The following PIDD1 variants were observed in gnomAD, a reference collection of about 807,000 sequenced individuals.
PIDD1 encodes the protein p53-induced death domain protein 1.
PIDD1 carries 72 observed loss-of-function variants against 80.0 expected under a neutral mutation model. The ratio of observed to expected loss-of-function variants is 0.90; its 90% confidence interval spans 0.74 to 1.09. The LOEUF is 1.09. Ranked by LOEUF, PIDD1 falls within the 50% of genes least tolerant of loss-of-function variation. The pLI, the probability that PIDD1 is intolerant of heterozygous loss-of-function variation, is 0.00. For missense variants in PIDD1, 1,329 were observed against 1,228.3 expected, an observed-to-expected ratio of 1.08 and a Z score of -1.23; for synonymous variants, 655 against 543.5, an observed-to-expected ratio of 1.21 and a Z score of -2.85.
At chr11:803,092 G>A (rs1243880584) in intron 3 of PIDD1, 82 bp downstream of exon 3, 6 of 1,109,114 alleles carry the variant, frequency 5.4e-6, no homozygotes, top group Non-Finnish European at 7.8e-6. Flanking sequence ...AAGCCTGTGG[G>A]TGCAGAGGCC....
At position 801,423 on chromosome 11, in the gene PIDD1, C is replaced by T. The variant is rs373308784; in HGVS notation, c.1482+22G>A. 8.5e-5 allele frequency: 133 copies of T among 1,565,428 alleles called. No homozygotes were observed. The African/African-American group carries it at 1.6e-3, about 19-fold the overall frequency. On this transcript the variant is annotated intron_variant, in intron 8 of 15. Transcript: ENST00000347755. ...GTGGGCTGAGGCGCGGCCTGCCACC[C>T]TCAGTGCTGTCCTGGCCATACCTGC...
chr11:805,399 A>G, upstream of PIDD1: 1 of 328,026 alleles, frequency 3.0e-6, no homozygotes, highest in South Asian at 1.2e-4. Flanking sequence ...GGAGACGCGG[A>G]CGCGACCCGT....
At position 801,747 on chromosome 11, in the gene PIDD1, G is replaced by T. The variant is rs1865350197; in HGVS notation, c.1303-123C>A. 7 of 903,924 alleles carry T rather than the reference G, an allele frequency of 7.7e-6. No homozygotes were observed. The East Asian group carries it at 1.7e-4, about 23-fold the overall frequency. 56.0% of individuals were successfully genotyped at this position (903,924 alleles called of 1,614,324 possible). On this transcript the variant is annotated intron_variant, in intron 7 of 15. Transcript: ENST00000347755. ...AAGGTGCCAGGGACACAGGGAGCAGGATCCAGGAGGGACGGGGTGGGGTGG... is the reference window on the plus strand; with the variant it reads ...AAGGTGCCAGGGACACAGGGAGCAGTATCCAGGAGGGACGGGGTGGGGTGG...
Position 803,504 on chromosome 11 carries a change from G to C in PIDD1, c.379C>G (p.Leu127Val). 6.2e-7 allele frequency: 1 copy of C among 1,613,494 alleles called. No individual in the cohort carries two copies. The highest frequency in any genetic ancestry group is 8.5e-7 in the Non-Finnish European group (1 of 1,179,992). Residue 127 changes from leucine (L) to valine (V), a missense_variant, in exon 3 of 16, where the codon CTG becomes GTG. By Grantham distance (32) the Leu-to-Val change is conservative (BLOSUM62 1). Transcript: ENST00000347755. ...LPAGLSGLAH[L>V]AHLDLSFNSL... ...TTGAAGCTCAGGTCCAGGTGGGCCA[G>C]ATGGGCCAGGCCACTCAGACCAGCG...
chr11:802,562 G>C lies in PIDD1; in HGVS notation c.955C>G (p.Leu319Val). The C allele has an allele frequency of 6.2e-7, 1 of 1,613,420 alleles. No homozygotes were observed. Among genetic ancestry groups the C allele is most frequent in the Non-Finnish European group, 8.5e-7 (1 of 1,179,742 alleles). Residue 319 changes from leucine to valine, a missense_variant, in exon 5 of 16, where the codon CTG becomes GTG. Transcript: ENST00000347755. ...CCATACCTGTCCAAATCTGAGGTCA[G>C]GAACAGTCTGGGCATTTCTGGAATG... is the stretch of plus-strand genomic sequence containing the variant. ...ALIPEMPRLF[L>V]TSDLDSFPVT...
In PIDD1 at chr11:802,307, G is replaced by T. The variant is rs958527086; in HGVS notation, c.1064C>A (p.Thr355Asn). ...CGGCAGCAGCAGCCGATAGCGGATG[G>T]TGATGGGGGTGGCGGTGGCTCCCGC... ...FPAGATATPI[T>N]IRYRLLLPEP... is the part of the protein sequence containing the mutation. The change falls in exon 6 of 16, where the codon ACC (threonine) becomes AAC (asparagine). Residue 355 changes from threonine (T) to asparagine (N), a missense_variant. Transcript: ENST00000347755. 1.9e-6 allele frequency: 3 copies of T among 1,612,090 alleles called. No individual in the cohort carries two copies. Among genetic ancestry groups the T allele is most frequent in the Non-Finnish European group, 2.5e-6 (3 of 1,179,814 alleles).
In PIDD1 at chr11:803,364, G is replaced by T. The variant is rs772105607; in HGVS notation, c.519C>A (p.Leu173=). The change falls in exon 3 of 16, where the codon CTC becomes CTA. Residue 173 remains leucine, a synonymous_variant. Coordinates refer to ENST00000347755, the MANE Select transcript of PIDD1 (RefSeq NM_145886.4). ...GGTTGTGTGTCACTGTGAGGAAGGT[G>T]AGGGCGGGGAGGGCCCCCAGAGCCT... ...LPEALGALPA[L]TFLTVTHNRL... is the part of the protein sequence containing the mutation. 1 of 1,613,956 alleles carries T rather than the reference G, an allele frequency of 6.2e-7. No homozygotes were observed. Among genetic ancestry groups the T allele is most frequent in the Non-Finnish European group, 8.5e-7 (1 of 1,179,978 alleles).
upstream of PIDD1, among the ~76,000 whole-genome samples, chr11:806,313 A>G (rs1295789750): frequency 2.6e-5 from 4 of 151,184 alleles, no homozygotes; most frequent in Non-Finnish European, 5.9e-5. Context: ...TCCTGAGGTC[A>G]TATCAGCGGC....
At chr11:808,014 T>TA (rs1865866072), upstream of PIDD1, among the ~76,000 whole-genome samples, 1 of 152,198 alleles carries the variant, frequency 6.6e-6, no homozygotes, top group Non-Finnish European at 1.5e-5. Context: ...ATTTCAGTCT[T>TA]ACGGGGTGCT....
chr11:802,058 C>T lies in PIDD1; in HGVS notation c.1209G>A (p.Pro403=), dbSNP rs766326633. The T allele has an allele frequency of 2.5e-6, 4 of 1,583,422 alleles. No homozygotes were observed. The highest frequency in any genetic ancestry group is 1.7e-4 in the Middle Eastern group (1 of 6,016). Residue 403 remains proline (P), a synonymous_variant, in exon 7 of 16, where the codon CCG becomes CCA. Transcript: ENST00000347755. ...DVGLWLLFTP[P]QARRCREVVV... is the part of the protein sequence containing the mutation. ...CCACTTCACGGCAGCGCCGGGCCTG[C>T]GGTGGGGTGAAGAGCAGCCACAGCC...
upstream of PIDD1, among the ~76,000 whole-genome samples, chr11:808,905 A>T (rs180835772): frequency 6.6e-6 from 1 of 152,322 alleles, no homozygotes; most frequent in African/African-American, 2.4e-5. Flanking sequence ...CTGCTGTTAG[A>T]GCCCAACGGG....
Position 805,202 on chromosome 11 carries a change from G to T in PIDD1, c.-99C>A. On this transcript the variant is annotated 5_prime_UTR_variant, in exon 1 of 16. Coordinates refer to ENST00000347755, the MANE Select transcript of PIDD1 (RefSeq NM_145886.4). ...ACCTGCGCTGCAGGCGGCGCGCAAAGGGTGGCTGCTCAGCGGGCGCTCGGC... is the reference window on the plus strand; with the variant it reads ...ACCTGCGCTGCAGGCGGCGCGCAAATGGTGGCTGCTCAGCGGGCGCTCGGC... 2 of 983,234 alleles carry T rather than the reference G, an allele frequency of 2.0e-6. No individual in the cohort carries two copies. The highest frequency in any genetic ancestry group is 2.4e-6 in the Non-Finnish European group (2 of 827,962). The allele number at this position is 983,234 out of a possible 1,614,324, so 60.9% of individuals were successfully genotyped here.
chr11:800,348 C>G lies in PIDD1; in HGVS notation c.2145G>C (p.Gln715His), dbSNP rs199982939. The change falls in exon 13 of 16, where the codon CAG (glutamine) becomes CAC (histidine). Residue 715 changes from glutamine to histidine, a missense_variant. Gln to His is a conservative substitution (Grantham distance 24, BLOSUM62 0). Coordinates refer to ENST00000347755, the MANE Select transcript of PIDD1 (RefSeq NM_145886.4). ...YVTTTLDREA[Q>H]AVRGQVSFYR... is the part of the protein sequence containing the mutation. ...CCTCGCCCACCTGGCCCCGCACAGCCTGAGCCTCCCGGTCCAGAGTGGTGG... is the reference window on the plus strand; with the variant it reads ...CCTCGCCCACCTGGCCCCGCACAGCGTGAGCCTCCCGGTCCAGAGTGGTGG... The G allele has an allele frequency of 7.4e-6, 12 of 1,612,632 alleles. No individual in the cohort carries two copies. Among genetic ancestry groups the G allele is most frequent in the Non-Finnish European group, 1.0e-5 (12 of 1,179,964 alleles).
Position 802,294 on chromosome 11 carries a change from C to A in PIDD1, c.1077G>T (p.Arg359=). The part of the protein sequence containing the change: ...ATATPITIRY[R]LLLPEPGLVP... ...CGAGGCCTGGCTCCGGCAGCAGCAG[C>A]CGATAGCGGATGGTGATGGGGGTGG... The change falls in exon 6 of 16, where the codon CGG becomes CGT. Residue 359 remains arginine (R), a synonymous_variant. Transcript: ENST00000347755. The A allele has an allele frequency of 6.2e-7, 1 of 1,612,158 alleles. No individual in the cohort carries two copies. The highest frequency in any genetic ancestry group is 8.5e-7 in the Non-Finnish European group (1 of 1,179,766).
chr11:802,802 G>A lies in PIDD1; in HGVS notation c.799C>T (p.Arg267Trp), dbSNP rs200869254. 229 of 1,604,614 alleles carry A rather than the reference G, an allele frequency of 1.4e-4. 4 individuals carry two copies. The South Asian group carries it at 1.7e-3, about 12-fold the overall frequency. The change falls in exon 4 of 16, where the codon CGG becomes TGG. Residue 267 changes from arginine to tryptophan, a missense_variant. Physicochemically the swap from Arg to Trp is moderately radical, Grantham distance 101 (BLOSUM62 -3). Transcript: ENST00000347755. The stretch of plus-strand genomic sequence containing the variant: ...AGCTGGTTGTCCCTCAGGTCGAGCC[G>A]GGTGAGGAGTGGAAGGCGGGCCAAG... ...ADLARLPLLTRLDLRDNQLRD... is the reference protein window; with the variant it reads ...ADLARLPLLTWLDLRDNQLRD...
chr11:800,077 G>C (rs758619369), intron 14 of PIDD1, 54 bp downstream of exon 14: 6 of 1,602,656 alleles, frequency 3.7e-6, no homozygotes, highest in Admixed American at 1.7e-5. Context: ...ATGTCACCCT[G>C]GTCACCCCTG....
In PIDD1 at chr11:800,496, G is replaced by A. The variant is rs372351284; in HGVS notation, c.2042-45C>T. 150 of 1,610,054 alleles carry A rather than the reference G, an allele frequency of 9.3e-5. No individual in the cohort carries two copies. The African/African-American group carries it at 1.1e-3, about 11-fold the overall frequency. On this transcript the variant is annotated intron_variant, in intron 12 of 15. Coordinates refer to ENST00000347755, the MANE Select transcript of PIDD1 (RefSeq NM_145886.4). ...TGAGCAAGGAGGGCTCGGGGAGGAC[G>A]GTAAGGCTCCCCCTCCAGGGCAGGG...
Position 800,462 on chromosome 11 carries a change from G to A in PIDD1, c.2042-11C>T, listed in dbSNP as rs1865181094. ...CACAGTCAGGGCGGTCTAGGGGACA[G>A]GGGTGGGCTGAGCAAGGAGGGCTCG... On this transcript the variant is annotated splice_polypyrimidine_tract_variant and intron_variant, in intron 12 of 15. Transcript: ENST00000347755. 2.5e-6 allele frequency: 4 copies of A among 1,611,934 alleles called. No homozygotes were observed. The highest frequency in any genetic ancestry group is 3.4e-6 in the Non-Finnish European group (4 of 1,179,940).
In PIDD1 at chr11:802,862, GGACAAGGAGCCGCAA is replaced by G. The variant is rs1350738939; in HGVS notation, c.724_738del (p.Arg243_Leu247del). On this transcript the variant is annotated inframe_deletion, in exon 4 of 16. Transcript: ENST00000347755. ...ACAGAGGCCAGGAGGTTGCTGTGCA[GGACAAGGAGCCGCAA>G]GGACCGAAGTCCCGCTGCGGGCAGT... is the stretch of plus-strand genomic sequence containing the variant. The G allele has an allele frequency of 3.8e-6, 6 of 1,581,266 alleles. No homozygotes were observed. The highest frequency in any genetic ancestry group is 4.3e-6 in the Non-Finnish European group (5 of 1,164,440).
Sources: gnomAD v4.1 joint callset for allele counts (sites outside exome capture counted in the v4.1 genomes callset) on GRCh38, gnomAD v4.1.1 for gene constraint, MANE v1.5 for transcripts, NCBI Gene and HGNC (gene_info 2026-07-23, HGNC 2026-07-21) for gene names.